CADM2: variants seen among roughly 807,000 people sequenced by gnomAD.
CADM2 encodes immunoglobulin superfamily member 4D.
In CADM2, 12 loss-of-function variants were observed where a neutral mutation model predicts 49.8. That is an observed-to-expected ratio of 0.24 (90% CI 0.15 to 0.39). The LOEUF is 0.39. Among genes scored for constraint, CADM2 ranks in the 10% least tolerant of loss-of-function variants. The pLI, the probability that CADM2 is intolerant of heterozygous loss-of-function variation, is 1.00. For missense variants in CADM2, 378 were observed against 492.3 expected (o/e 0.77, Z 2.20); for synonymous variants, 214 against 175.4 (o/e 1.22, Z -1.74).
chr3:85,466,787 T>TC lies in CADM2; in HGVS notation c.62-259729dup, dbSNP rs529125144. On this transcript the variant is annotated intron_variant, in intron 1 of 9. Transcript: ENST00000383699. ...TTGCTGTATTTTTTTTTCAACAGTT[T>TC]CCCCCCATTGGATAGTATCAGCTGA... 1.3e-4 allele frequency among the ~76,000 whole-genome samples: 19 copies of TC among 151,878 alleles called. No individual in the cohort carries two copies. In the East Asian group the frequency reaches 3.7e-3, roughly 29 times the overall value.
chr3:85,569,297 G>T (rs1375552), intron 1 of CADM2, among the ~76,000 whole-genome samples: 25,561 of 151,538 alleles, frequency 0.17, 2,633 homozygotes, highest in Non-Finnish European at 0.23. Flanking sequence ...TCTTTTTCTT[G>T]CTGACTGCTA....
chr3:85,541,864 G>T (rs1049316147), intron 1 of CADM2, among the ~76,000 whole-genome samples: 5 of 148,602 alleles, frequency 3.4e-5, no homozygotes, highest in African/African-American at 1.2e-4. Context: ...TTATCTGTAG[G>T]TTGAGTAGAA....
chr3:85,599,367 T>C (rs1407935828), intron 1 of CADM2, among the ~76,000 whole-genome samples: 1 of 152,014 alleles, frequency 6.6e-6, no homozygotes, highest in Non-Finnish European at 1.5e-5. Context: ...TAACCTGGAA[T>C]GGATCTTAAA....
At chr3:85,979,289 G>A (rs1188416861) in intron 8 of CADM2, 2 of 1,609,392 alleles carry the variant, frequency 1.2e-6, no homozygotes, top group South Asian at 2.2e-5. Flanking sequence ...CAGAGGTACA[G>A]TATGTTTCTT....
intron 3 of CADM2, among the ~76,000 whole-genome samples, chr3:85,855,553 TTATA>T (rs1343550297): frequency 6.8e-6 from 1 of 146,262 alleles, no homozygotes; most frequent in East Asian, 2.0e-4. Context: ...TTGTTTATTT[TTATA>T]TATTTATATT....
chr3:85,816,267 C>T, intron 3 of CADM2, among the ~76,000 whole-genome samples: 1 of 151,088 alleles, frequency 6.6e-6, no homozygotes, highest in Admixed American at 6.6e-5. Flanking sequence ...AGCTCTAGAG[C>T]ACCAACCTAA....
intron 7 of CADM2, among the ~76,000 whole-genome samples, chr3:85,944,170 A>G (rs1025587609): frequency 4.6e-5 from 7 of 152,136 alleles, no homozygotes; most frequent in Admixed American, 6.6e-5. Context: ...CAAAAGAGAC[A>G]AAAAAGGCCG....
intron 1 of CADM2, among the ~76,000 whole-genome samples, chr3:85,705,966 A>G (rs1173738230): frequency 6.6e-6 from 1 of 152,206 alleles, no homozygotes; most frequent in East Asian, 1.9e-4. Context: ...TCTGTGAAAT[A>G]GGTACACTAA....
intron 1 of CADM2, among the ~76,000 whole-genome samples, chr3:84,992,174 C>T (rs2032928738): frequency 6.6e-6 from 1 of 152,022 alleles, no homozygotes; most frequent in South Asian, 2.1e-4. Flanking sequence ...AATGAGGAGG[C>T]TACCTTTGTG....
chr3:85,909,969 G>A (rs1055241520), intron 5 of CADM2, among the ~76,000 whole-genome samples: 1 of 152,040 alleles, frequency 6.6e-6, no homozygotes, highest in Non-Finnish European at 1.5e-5. Flanking sequence ...TCATCTTAAG[G>A]CTTCTGGTAA....
At chr3:85,848,507 A>T (rs7613695) in intron 3 of CADM2, among the ~76,000 whole-genome samples, 67,669 of 151,852 alleles carry the variant, frequency 0.45, 15,822 homozygotes, top group African/African-American at 0.57. Context: ...AGTGAGTTTG[A>T]TGAGTTGTGC....
At chr3:85,063,712 T>G (rs1376116059) in intron 1 of CADM2, among the ~76,000 whole-genome samples, 1 of 151,992 alleles carries the variant, frequency 6.6e-6, no homozygotes, top group African/African-American at 2.4e-5. Context: ...TTTATTAATA[T>G]TTTGAAATGG....
At chr3:85,559,569 C>A (rs942642846) in intron 1 of CADM2, among the ~76,000 whole-genome samples, 1 of 151,270 alleles carries the variant, frequency 6.6e-6, no homozygotes, top group African/African-American at 2.4e-5. Flanking sequence ...ATATTTTTAC[C>A]TGAATTTAAT....
At chr3:85,920,929 G>A (rs1039865484) in intron 6 of CADM2, among the ~76,000 whole-genome samples, 15 of 151,398 alleles carry the variant, frequency 9.9e-5, no homozygotes, top group East Asian at 7.7e-4. Flanking sequence ...CATCAAGTAC[G>A]CATTTATAAA....
At chr3:85,096,387 T>C (rs2037795192) in intron 1 of CADM2, among the ~76,000 whole-genome samples, 1 of 151,800 alleles carries the variant, frequency 6.6e-6, no homozygotes, top group South Asian at 2.1e-4. Flanking sequence ...TTGTTCTTCC[T>C]TAAAATGTAC....
In CADM2 at chr3:85,324,233, A is replaced by G. The variant is rs139622454; in HGVS notation, c.61+364565A>G. Among the ~76,000 whole-genome samples, 807 of 152,270 alleles carry G rather than the reference A, an allele frequency of 5.3e-3. 4 individuals carry two copies. Among genetic ancestry groups the G allele is most frequent in the African/African-American group, 0.018 (766 of 41,548 alleles). Reference sequence around the variant, plus strand: ...TGTTTCTATATTCTTTCTCTCTTTTAGAGGAATATGTGCTTACTACTCTTC... The same window carrying G: ...TGTTTCTATATTCTTTCTCTCTTTTGGAGGAATATGTGCTTACTACTCTTC... On this transcript the variant is annotated intron_variant, in intron 1 of 9. Transcript: ENST00000383699.
At chr3:85,445,783 G>T (rs1331517914) in intron 1 of CADM2, among the ~76,000 whole-genome samples, 1 of 152,074 alleles carries the variant, frequency 6.6e-6, no homozygotes, top group Non-Finnish European at 1.5e-5. Flanking sequence ...TAGAGAACTG[G>T]TTGCCTTTTT....
chr3:85,696,578 A>G (rs1296498740), intron 1 of CADM2, among the ~76,000 whole-genome samples: 2 of 152,080 alleles, frequency 1.3e-5, no homozygotes, highest in Admixed American at 1.3e-4. Context: ...AGTCGGTTAT[A>G]AATATTTGTT....
intron 5 of CADM2, among the ~76,000 whole-genome samples, chr3:85,899,333 C>T (rs530424119): frequency 1.9e-4 from 29 of 152,084 alleles, no homozygotes; most frequent in African/African-American, 4.8e-4. Context: ...TTTTATCTAA[C>T]GCAAGATCAC....
Sources: allele counts gnomAD v4.1 joint callset (sites outside exome capture counted in the v4.1 genomes callset), GRCh38; gene constraint gnomAD v4.1.1; transcripts MANE v1.5; gene names NCBI Gene and HGNC (gene_info 2026-07-23, HGNC 2026-07-21).